Variants in NACC1 observed in about 807,000 individuals in gnomAD.
The protein encoded by NACC1 is nucleus accumbens-associated protein 1.
A neutral mutation model predicts 41.7 loss-of-function variants in NACC1; 6 were observed. The observed-to-expected ratio is 0.14, with a 90% confidence interval of 0.08 to 0.28. The LOEUF is 0.28. Among genes scored for constraint, NACC1 ranks in the 10% least tolerant of loss-of-function variants. The pLI is 1.00. For missense variants in NACC1, 434 were observed against 763.7 expected (o/e 0.57, Z 5.09); for synonymous variants, 338 against 330.6 (o/e 1.02, Z -0.24).
Position 13,139,462 on chromosome 19 carries a change from G to A in NACC1, c.*1056G>A, listed in dbSNP as rs2019754894. On this transcript the variant is annotated 3_prime_UTR_variant, in exon 6 of 6. Coordinates refer to ENST00000292431, the MANE Select transcript of NACC1 (RefSeq NM_052876.4). ...GGGGTGGGGGGCCTTGGAAGGCAGG[G>A]CGGTGTTGGGGGGCTGGGGGGCAGG... 5 of 152,588 alleles carry A rather than the reference G, an allele frequency of 3.3e-5. No individual in the cohort carries two copies. Among genetic ancestry groups the A allele is most frequent in the Admixed American group, 3.3e-4 (5 of 15,286 alleles). 9.5% of individuals were successfully genotyped at this position (152,588 alleles called of 1,614,324 possible).
chr19:13,137,170 C>G lies in NACC1; in HGVS notation c.1121-101C>G, dbSNP rs1196912541. ...GTGAGTTTTCTTGGGACCCAGAGCC[C>G]AGCAGGGAGGGCCTGGGGTGTTCTG... is the stretch of plus-strand genomic sequence containing the variant. On this transcript the variant is annotated intron_variant, in intron 3 of 5. Coordinates refer to ENST00000292431, the MANE Select transcript of NACC1 (RefSeq NM_052876.4). This position sits in a 1 kb window ranked among gnomAD's most constrained non-coding sequence, Gnocchi z 6.1. 8.7e-7 allele frequency: 1 copy of G among 1,153,922 alleles called. No homozygotes were observed. The highest frequency in any genetic ancestry group is 1.3e-6 in the Non-Finnish European group (1 of 781,522). 71.5% of individuals were successfully genotyped at this position (1,153,922 alleles called of 1,614,324 possible).
rs1033633323 is a variant in NACC1 at position 13,138,040 on chromosome 19, G to A, written c.1325-107G>A. The A allele has an allele frequency of 1.1e-5, 16 of 1,517,162 alleles. No homozygotes were observed. Among genetic ancestry groups the A allele is most frequent in the East Asian group, 4.6e-5 (2 of 43,824 alleles). The allele number at this position is 1,517,162 out of a possible 1,614,324, so 94.0% of individuals were successfully genotyped here. ...GTGTCCTGGCCGCGTGGCCTCACTC[G>A]TTTCCCCTTTGAGAGGGAGTCGCAG... On this transcript the variant is annotated intron_variant, in intron 5 of 5. Coordinates refer to ENST00000292431, the MANE Select transcript of NACC1 (RefSeq NM_052876.4). This position sits in a 1 kb window ranked among gnomAD's most constrained non-coding sequence, Gnocchi z 5.7.
At position 13,137,758 on chromosome 19, in the gene NACC1, G is replaced by A. The variant is rs1041328846; in HGVS notation, c.1324+183G>A. Among the ~76,000 whole-genome samples, 19 of 152,304 alleles carry A rather than the reference G, an allele frequency of 1.2e-4. No individual in the cohort carries two copies. Among genetic ancestry groups the A allele is most frequent in the Middle Eastern group, 3.4e-3 (1 of 294 alleles). On this transcript the variant is annotated intron_variant, in intron 5 of 5. Coordinates refer to ENST00000292431, the MANE Select transcript of NACC1 (RefSeq NM_052876.4). The surrounding 1 kb of genome is among the most constrained non-coding windows in gnomAD (Gnocchi z 6.1). ...ATTTCTTCGTGTTTGGGGGATGCAC[G>A]TGCCGAAGGGAAGCCAGGGAGCCTG...
At position 13,138,313 on chromosome 19, in the gene NACC1, C is replaced by A. The variant is rs758787801; in HGVS notation, c.1491C>A (p.Gly497=). ...DAYTTFISET[G]KIEPDMMGVE... ...ACACCACCTTCATCAGTGAAACGGG[C>A]AAGATCGAGCCGGACATGATGGGTG... Residue 497 remains glycine (G), a synonymous_variant, in exon 6 of 6, where the codon GGC becomes GGA. Coordinates refer to ENST00000292431, the MANE Select transcript of NACC1 (RefSeq NM_052876.4). The surrounding 1 kb of genome is among the most constrained non-coding windows in gnomAD (Gnocchi z 5.7). 2 of 1,614,160 alleles carry A rather than the reference C, an allele frequency of 1.2e-6. No homozygotes were observed. Among genetic ancestry groups the A allele is most frequent in the South Asian group, 2.2e-5 (2 of 91,090 alleles).
intron 1 of NACC1, among the ~76,000 whole-genome samples, chr19:13,131,154 A>G (rs1256156925): frequency 1.3e-5 from 2 of 152,114 alleles, no homozygotes; most frequent in African/African-American, 2.4e-5. Context: ...AGCTCCACAT[A>G]AGCACAGCTG....
Position 13,137,230 on chromosome 19 carries a change from T to C in NACC1, c.1121-41T>C. The C allele has an allele frequency of 1.3e-6, 2 of 1,593,014 alleles. No homozygotes were observed. The highest frequency in any genetic ancestry group is 2.2e-5 in the South Asian group (2 of 90,590). ...CTGGTATCATGGGGGCTGTGGCGGT[T>C]TGGGGGCACCCCAGGCCATCCTCCG... is the stretch of plus-strand genomic sequence containing the variant. On this transcript the variant is annotated intron_variant, in intron 3 of 5. Coordinates refer to ENST00000292431, the MANE Select transcript of NACC1 (RefSeq NM_052876.4). This position sits in a 1 kb window ranked among gnomAD's most constrained non-coding sequence, Gnocchi z 6.1.
intron 1 of NACC1, among the ~76,000 whole-genome samples, chr19:13,128,343 G>C (rs372782231): frequency 1.3e-5 from 2 of 152,212 alleles, no homozygotes; most frequent in South Asian, 4.1e-4. Flanking sequence ...CAGTCTAGAT[G>C]AGAGTGCCAG....
chr19:13,127,371 CTTTTTTTTT>C lies in NACC1; in HGVS notation c.-8-7808_-8-7800del, dbSNP rs147514422. ...AAAAAAAAGCATACATATACATATA[CTTTTTTTTT>C]TTTTTTTTTTTTTTTTTTTTCGGTT... is the stretch of plus-strand genomic sequence containing the variant. On this transcript the variant is annotated intron_variant, in intron 1 of 5. Coordinates refer to ENST00000292431, the MANE Select transcript of NACC1 (RefSeq NM_052876.4). Among the ~76,000 whole-genome samples the C allele has an allele frequency of 2.1e-3, 60 of 28,516 alleles. 1 individual carries two copies. The highest frequency in any genetic ancestry group is 6.9e-3 in the African/African-American group (54 of 7,782). 18.7% of individuals were successfully genotyped at this position (28,516 alleles called of 152,430 possible). A position where few individuals can be genotyped will look rare whatever the true frequency, so the allele number is the denominator to read the frequency against.
chr19:13,134,202 G>A (rs926832255), intron 1 of NACC1, among the ~76,000 whole-genome samples: 1 of 151,408 alleles, frequency 6.6e-6, no homozygotes, highest in African/African-American at 2.4e-5. Flanking sequence ...GGGACCACAG[G>A]TGTGCTCCAC....
In NACC1 at chr19:13,135,696, G is replaced by T. The variant is rs1336529766; in HGVS notation, c.489G>T (p.Val163=). 1.9e-6 allele frequency: 3 copies of T among 1,553,418 alleles called. No individual in the cohort carries two copies. The highest frequency in any genetic ancestry group is 2.6e-6 in the Non-Finnish European group (3 of 1,152,316). ...CCTGTAGCACCCCGCTGCCCCTCGT[G>T]TCGCGGGTGAAGACGGAGCAGCAGG... ...WPACSTPLPL[V]SRVKTEQQES... Residue 163 remains valine (V), a synonymous_variant, in exon 2 of 6, where the codon GTG becomes GTT. Transcript: ENST00000292431.
chr19:13,117,231 T>C (rs997812842), upstream of NACC1: 1 of 152,248 alleles, frequency 6.6e-6, no homozygotes, highest in African/African-American at 2.4e-5. Flanking sequence ...AACCAGTGTA[T>C]GAAGGCAGGA....
At chr19:13,126,191 G>A (rs2019559583) in intron 1 of NACC1, among the ~76,000 whole-genome samples, 1 of 151,524 alleles carries the variant, frequency 6.6e-6, no homozygotes, top group African/African-American at 2.4e-5. Flanking sequence ...TTACAGGCAC[G>A]TACCACTGTG....
In NACC1 at chr19:13,136,216, C is replaced by T. The variant is rs1420301681; in HGVS notation, c.947-16C>T. 1.2e-6 allele frequency: 2 copies of T among 1,608,294 alleles called. No homozygotes were observed. Among genetic ancestry groups the T allele is most frequent in the African/African-American group, 1.3e-5 (1 of 75,004 alleles). ...CCTGCTCCTCCTGCCACTCGCGTGC[C>T]ACTCTCTCCCTGCAGCCGAGAAGGT... On this transcript the variant is annotated splice_polypyrimidine_tract_variant and intron_variant, in intron 2 of 5. Transcript: ENST00000292431. This position sits in a 1 kb window ranked among gnomAD's most constrained non-coding sequence, Gnocchi z 5.5.
intron 1 of NACC1, among the ~76,000 whole-genome samples, chr19:13,122,582 A>C (rs1316038324): frequency 1.3e-5 from 2 of 150,594 alleles, no homozygotes; most frequent in African/African-American, 4.9e-5. Flanking sequence ...GATGCGGTTC[A>C]ACATCAGACA....
chr19:13,132,163 T>C (rs2145620375), intron 1 of NACC1, among the ~76,000 whole-genome samples: 1 of 97,162 alleles, frequency 1.0e-5, no homozygotes, highest in Admixed American at 8.6e-5. Context: ...ATGCCTGTAA[T>C]CCTACACTTT....
At chr19:13,121,282 C>T (rs954068068) in intron 1 of NACC1, among the ~76,000 whole-genome samples, 3 of 152,136 alleles carry the variant, frequency 2.0e-5, no homozygotes, top group Admixed American at 2.0e-4. Flanking sequence ...TACCAGTCTT[C>T]TTCTGAGTGC....
Position 13,137,406 on chromosome 19 carries a change from G to C in NACC1, c.1226+30G>C, listed in dbSNP as rs376552799. 3.2e-6 allele frequency: 5 copies of C among 1,587,054 alleles called. No individual in the cohort carries two copies. Among genetic ancestry groups the C allele is most frequent in the Non-Finnish European group, 4.3e-6 (5 of 1,156,266 alleles). ...GGCCCTTGCCAGAGCCCCAGGGAGG[G>C]GGGTGGGGTTTCCCCATGTCCCCCC... On this transcript the variant is annotated intron_variant, in intron 4 of 5. Coordinates refer to ENST00000292431, the MANE Select transcript of NACC1 (RefSeq NM_052876.4). This position sits in a 1 kb window ranked among gnomAD's most constrained non-coding sequence, Gnocchi z 6.1.
intron 1 of NACC1, among the ~76,000 whole-genome samples, chr19:13,133,479 G>A (rs1011645572): frequency 2.6e-5 from 4 of 152,018 alleles, no homozygotes; most frequent in Non-Finnish European, 5.9e-5. Context: ...TCCTGTCTGC[G>A]TGGATTTGCC....
rs1264325167 is a variant in NACC1, at chr19:13,135,065, A to G, written c.-8-135A>G. On this transcript the variant is annotated intron_variant, in intron 1 of 5. Transcript: ENST00000292431. ...AGAGGGCTCTGTGTGGTTTAGCACC[A>G]TGGTAGATTCCATCGTGCGGATGTC... 5 of 1,409,426 alleles carry G rather than the reference A, an allele frequency of 3.5e-6. No individual in the cohort carries two copies. The African/African-American group carries it at 5.8e-5, about 16-fold the overall frequency. 87.3% of individuals were successfully genotyped at this position (1,409,426 alleles called of 1,614,324 possible). A position where few individuals can be genotyped will look rare whatever the true frequency, so the allele number is the denominator to read the frequency against.
Sources: allele counts gnomAD v4.1 joint callset (sites outside exome capture counted in the v4.1 genomes callset), GRCh38; gene constraint gnomAD v4.1.1; non-coding constraint Gnocchi (gnomAD v3.1); transcripts MANE v1.5; gene names NCBI Gene and HGNC (gene_info 2026-07-23, HGNC 2026-07-21).